The following RPS6KA2 variants were observed in gnomAD, a reference collection of about 807,000 sequenced individuals.
RPS6KA2 encodes ribosomal protein S6 kinase alpha-2.
RPS6KA2 carries 42 observed loss-of-function variants against 91.8 expected under a neutral mutation model. That is an observed-to-expected ratio of 0.46 (90% CI 0.36 to 0.59). RPS6KA2 has a LOEUF of 0.59. Among genes scored for constraint, RPS6KA2 ranks in the 20% least tolerant of loss-of-function variants. The pLI, the probability that RPS6KA2 is intolerant of heterozygous loss-of-function variation, is 0.00. For synonymous variants in RPS6KA2, 414 were observed against 393.6 expected, an observed-to-expected ratio of 1.05 and a Z score of -0.61; for missense variants, 798 against 978.5, an observed-to-expected ratio of 0.82 and a Z score of 2.46.
At chr6:166,631,471 A>T (rs1416865617), upstream of RPS6KA2, among the ~76,000 whole-genome samples, 4 of 152,198 alleles carry the variant, frequency 2.6e-5, no homozygotes, top group African/African-American at 9.6e-5. Flanking sequence ...GGTGGGCTTC[A>T]CCTGCAACAC....
chr6:166,660,322 G>A (rs1178264067), intron 2 of RPS6KA2, among the ~76,000 whole-genome samples: 1 of 151,578 alleles, frequency 6.6e-6, no homozygotes, highest in African/African-American at 2.4e-5. Flanking sequence ...ATGTGTGTGT[G>A]TGTGCATGTG....
intron 8 of RPS6KA2, among the ~76,000 whole-genome samples, chr6:166,491,660 C>T (rs938892079): frequency 2.6e-5 from 4 of 152,128 alleles, no homozygotes; most frequent in Admixed American, 6.5e-5. Flanking sequence ...TTTTTTGCTG[C>T]GTGTGTCTCT....
intron 17 of RPS6KA2, among the ~76,000 whole-genome samples, chr6:166,421,168 ACT>A (rs1176986066): frequency 1.3e-5 from 2 of 152,034 alleles, no homozygotes; most frequent in Non-Finnish European, 2.9e-5. Flanking sequence ...GTGCTTTCTG[ACT>A]CTGTGAAACA....
At chr6:166,657,368 A>G (rs1324817246) in intron 2 of RPS6KA2, among the ~76,000 whole-genome samples, 4 of 152,242 alleles carry the variant, frequency 2.6e-5, no homozygotes, top group Non-Finnish European at 5.9e-5. Context: ...GGAAGCTTTA[A>G]ACAGATACGA....
rs570528850 is a variant in RPS6KA2, at chr6:166,717,650, C to T, written c.123+140550G>A. On this transcript the variant is annotated intron_variant, in intron 2 of 21. Transcript: ENST00000503859. The stretch of plus-strand genomic sequence containing the variant: ...TGCACAGCACACGTTCCATCCAGGG[C>T]GAGTTTTAGATTCCAGTGGTAGTGC... Among the ~76,000 whole-genome samples, 23 of 152,196 alleles carry T rather than the reference C, an allele frequency of 1.5e-4. No individual in the cohort carries two copies. In the East Asian group the frequency reaches 3.7e-3, roughly 24 times the overall value.
At chr6:166,597,536 A>T (rs1386904425) in intron 1 of RPS6KA2, among the ~76,000 whole-genome samples, 1 of 152,170 alleles carries the variant, frequency 6.6e-6, no homozygotes, top group Non-Finnish European at 1.5e-5. Context: ...CTGGGAAAAA[A>T]GGTAGGAGGA....
At chr6:166,707,620 A>G (rs189987511) in intron 2 of RPS6KA2, among the ~76,000 whole-genome samples, 1 of 152,318 alleles carries the variant, frequency 6.6e-6, no homozygotes, top group Non-Finnish European at 1.5e-5. Flanking sequence ...AGGTCCAGAC[A>G]GGTGCACCTG....
At chr6:166,517,450 GTTTTGTTTTTTTTT>G (rs1782686572) in intron 3 of RPS6KA2, among the ~76,000 whole-genome samples, 1 of 83,792 alleles carries the variant, frequency 1.2e-5, no homozygotes, top group African/African-American at 6.7e-5. Flanking sequence ...GCGTTCTTTT[GTTTTGTTTTTTTTT>G]TTTTTTTTTT....
chr6:166,423,211 C>A lies in RPS6KA2; in HGVS notation c.1743+45G>T. 1 of 1,570,078 alleles carries A rather than the reference C, an allele frequency of 6.4e-7. No homozygotes were observed. Among genetic ancestry groups the A allele is most frequent in the Middle Eastern group, 1.8e-4 (1 of 5,660 alleles). On this transcript the variant is annotated intron_variant, in intron 17 of 20. Coordinates refer to ENST00000265678, the MANE Select transcript of RPS6KA2 (RefSeq NM_021135.6). This position sits in a 1 kb window ranked among gnomAD's most constrained non-coding sequence, Gnocchi z 4.8. The stretch of plus-strand genomic sequence containing the variant: ...TGCAGTGGGAGGGGGCAGAGCCTGT[C>A]TTTGCGGATAGAGAGGCCTGGGTCT...
intron 1 of RPS6KA2, among the ~76,000 whole-genome samples, chr6:166,591,301 G>C (rs1395069445): frequency 6.6e-6 from 1 of 152,188 alleles, no homozygotes; most frequent in African/African-American, 2.4e-5. Flanking sequence ...GGGATGAGCA[G>C]AATGCCTTTA....
chr6:166,798,704 CA>C (rs35800842), intron 2 of RPS6KA2, among the ~76,000 whole-genome samples: 58,097 of 152,082 alleles, frequency 0.38, 12,758 homozygotes, highest in East Asian at 0.54. Flanking sequence ...AGCTCTTTCC[CA>C]AAAGTGATCT....
At chr6:166,754,862 G>A (rs1167923650) in intron 2 of RPS6KA2, among the ~76,000 whole-genome samples, 1 of 152,164 alleles carries the variant, frequency 6.6e-6, no homozygotes, top group African/African-American at 2.4e-5. Flanking sequence ...TCTGAGATGG[G>A]TGCCCAGGGC....
At chr6:166,643,651 G>A (rs1158332420) in intron 2 of RPS6KA2, among the ~76,000 whole-genome samples, 6 of 152,278 alleles carry the variant, frequency 3.9e-5, no homozygotes, top group African/African-American at 1.2e-4. Flanking sequence ...TTGGGCCATT[G>A]TATATCTTGC....
At chr6:166,502,057 G>A (rs1408104110) in intron 6 of RPS6KA2, among the ~76,000 whole-genome samples, 1 of 152,306 alleles carries the variant, frequency 6.6e-6, no homozygotes, top group Non-Finnish European at 1.5e-5. Flanking sequence ...GGCGGGTGCC[G>A]GGGGCTGGGG....
At chr6:166,858,459 T>C (rs866321920) in intron 1 of RPS6KA2, among the ~76,000 whole-genome samples, 2 of 152,360 alleles carry the variant, frequency 1.3e-5, no homozygotes, top group Non-Finnish European at 1.5e-5. Context: ...GGATCCTTTA[T>C]ACAACAGGTG....
intron 1 of RPS6KA2, among the ~76,000 whole-genome samples, chr6:166,561,223 G>T (rs1257525166): frequency 6.6e-6 from 1 of 152,130 alleles, no homozygotes; most frequent in Non-Finnish European, 1.5e-5. Context: ...GCGGGCAGGA[G>T]CCCTGACCTG....
At chr6:166,606,093 T>C (rs1448865885) in intron 1 of RPS6KA2, among the ~76,000 whole-genome samples, 1 of 152,224 alleles carries the variant, frequency 6.6e-6, no homozygotes, top group Non-Finnish European at 1.5e-5. Context: ...TTAGGCTCTT[T>C]GACGCTTTTA....
At chr6:166,487,228 C>T (rs1781442563) in intron 10 of RPS6KA2, among the ~76,000 whole-genome samples, 1 of 152,170 alleles carries the variant, frequency 6.6e-6, no homozygotes, top group African/African-American at 2.4e-5. Context: ...GGGATTTACT[C>T]TCCTGACACA....
At chr6:166,755,697 G>C (rs1430876021) in intron 2 of RPS6KA2, among the ~76,000 whole-genome samples, 1 of 152,154 alleles carries the variant, frequency 6.6e-6, no homozygotes, top group African/African-American at 2.4e-5. Context: ...GCTTAGCCTT[G>C]TATGGAATAT....
Sources: gnomAD v4.1 joint callset for allele counts (sites outside exome capture counted in the v4.1 genomes callset) on GRCh38, gnomAD v4.1.1 for gene constraint, Gnocchi (gnomAD v3.1) non-coding constraint, MANE v1.5 for transcripts, NCBI Gene and HGNC (gene_info 2026-07-23, HGNC 2026-07-21) for gene names.